ECM2: variants seen among roughly 807,000 people sequenced by gnomAD.
ECM2 encodes extracellular matrix protein 2, female organ and adipocyte specific.
In ECM2, 57 loss-of-function variants were observed where a neutral mutation model predicts 67.5. The ratio of observed to expected loss-of-function variants is 0.84; its 90% CI spans 0.68 to 1.05. ECM2 has a LOEUF of 1.05. Ranked by LOEUF, ECM2 falls within the 50% of genes least tolerant of loss-of-function variation. ECM2 has a pLI of 0.00. For synonymous variants in ECM2, 258 were observed against 294.5 expected, an observed-to-expected ratio of 0.88 and a Z score of 1.27; for missense variants, 741 against 822.8, an observed-to-expected ratio of 0.90 and a Z score of 1.22.
At chr9:92,543,576 G>T in the ECM2 span, among the ~76,000 whole-genome samples, 1 of 146,212 alleles carries the variant, frequency 6.8e-6, no homozygotes, top group Admixed American at 6.8e-5. Context: ...TGTTAAGAAT[G>T]ACATTGAAAA....
At chr9:92,501,130 T>C (rs777770493) in intron 8 of ECM2, 77 bp from the exon 9 acceptor site, 12 of 1,423,168 alleles carry the variant, frequency 8.4e-6, no homozygotes, top group Non-Finnish European at 1.1e-5. Context: ...ATAAGGCCAG[T>C]CTCGATGCTG....
chr9:92,527,528 G>T (rs963393551), intron 1 of ECM2, among the ~76,000 whole-genome samples: 2 of 152,120 alleles, frequency 1.3e-5, no homozygotes, highest in African/African-American at 4.8e-5. Context: ...TATCCTTGTC[G>T]CTAAGTGACA....
At chr9:92,548,250 T>G in the ECM2 span, among the ~76,000 whole-genome samples, 658 of 152,292 alleles carry the variant, frequency 4.3e-3, 4 homozygotes, top group African/African-American at 0.014. Flanking sequence ...TCATGAAAGC[T>G]CTCTTGCTGG....
chr9:92,515,058 T>C lies in ECM2; in HGVS notation c.627A>G (p.Glu209=). The C allele has an allele frequency of 6.2e-7, 1 of 1,614,190 alleles. No homozygotes were observed. The highest frequency in any genetic ancestry group is 1.1e-5 in the South Asian group (1 of 91,078). Residue 209 remains glutamate (E), a synonymous_variant, in exon 4 of 10, where the codon GAA becomes GAG. Transcript: ENST00000344604. ...CTTCATCCTCCTCAGATTGAAGTGC[T>C]TCTTTTCTTACTATTCGGTCCATTC... ...QVGMDRIVRK[E]ALQSEEDEEV...
rs1588179976 is a variant in ECM2 at position 92,496,209 on chromosome 9, A to G, written c.*106T>C. The G allele has an allele frequency of 4.1e-6, 6 of 1,450,798 alleles. No homozygotes were observed. In the African/African-American group the frequency reaches 5.8e-5, roughly 14 times the overall value. 89.9% of individuals were successfully genotyped at this position (1,450,798 alleles called of 1,614,324 possible). On this transcript the variant is annotated 3_prime_UTR_variant, in exon 10 of 10. Transcript: ENST00000344604. ...TAGTGAATCAGGTTGACTAGCATAT[A>G]ATGATACTGAGTATAACAGGAGGAT... is the stretch of plus-strand genomic sequence containing the variant.
chr9:92,551,709 T>C, the ECM2 span, among the ~76,000 whole-genome samples: 3 of 151,818 alleles, frequency 2.0e-5, no homozygotes, highest in Non-Finnish European at 2.9e-5. Flanking sequence ...AAGTCCATTG[T>C]ATCATTCTTA....
intron 8 of ECM2, 128 bp from the exon 9 acceptor site, chr9:92,501,181 C>T: frequency 1.1e-6 from 1 of 906,888 alleles, no homozygotes; most frequent in Non-Finnish European, 1.6e-6. Context: ...GTGATGATTC[C>T]AAATAGGAAC....
chr9:92,539,711 A>T (rs992954199), upstream of ECM2, among the ~76,000 whole-genome samples: 2 of 152,134 alleles, frequency 1.3e-5, no homozygotes, highest in Non-Finnish European at 2.9e-5. Flanking sequence ...CTTGGCCCAT[A>T]GTTCAAATGC....
chr9:92,542,395 G>A, the ECM2 span, among the ~76,000 whole-genome samples: 2 of 151,752 alleles, frequency 1.3e-5, no homozygotes, highest in African/African-American at 4.8e-5. Flanking sequence ...TTAATTTGAT[G>A]TAATCTCATT....
the ECM2 span, among the ~76,000 whole-genome samples, chr9:92,544,433 A>T: frequency 2.0e-5 from 3 of 152,196 alleles, no homozygotes; most frequent in Non-Finnish European, 4.4e-5. Flanking sequence ...CCACGATTGC[A>T]CCACTGCACT....
chr9:92,552,112 A>G, the ECM2 span, among the ~76,000 whole-genome samples: 8 of 144,824 alleles, frequency 5.5e-5, no homozygotes, highest in South Asian at 4.3e-4. Context: ...TATCATATAT[A>G]TGTGATATGA....
chr9:92,515,904 C>T (rs1847674018), intron 3 of ECM2, among the ~76,000 whole-genome samples: 1 of 152,134 alleles, frequency 6.6e-6, no homozygotes, highest in South Asian at 2.1e-4. Flanking sequence ...TTTATCCTTC[C>T]ATGATGGTGG....
At chr9:92,532,922 C>T (rs576350886) in intron 1 of ECM2, among the ~76,000 whole-genome samples, 25 of 151,894 alleles carry the variant, frequency 1.6e-4, no homozygotes, top group Admixed American at 5.9e-4. Context: ...TGAGAATTTG[C>T]GTCTGTTTCA....
At chr9:92,551,372 C>T in the ECM2 span, among the ~76,000 whole-genome samples, 38 of 152,214 alleles carry the variant, frequency 2.5e-4, 1 homozygote, top group East Asian at 3.9e-3. Flanking sequence ...GGGTCTTGCT[C>T]TGTCACCCAA....
At chr9:92,527,286 C>T (rs994343408) in intron 1 of ECM2, among the ~76,000 whole-genome samples, 1 of 152,186 alleles carries the variant, frequency 6.6e-6, no homozygotes, top group Non-Finnish European at 1.5e-5. Flanking sequence ...GCTAGGATTA[C>T]AGGCATGAGC....
rs932508713 is a variant in ECM2 at position 92,495,756 on chromosome 9, A to C, written c.*559T>G. Reference sequence around the variant, plus strand: ...GAAATTAACATTACAGTAGTGTTTTAATTTTACACATGTAATTAATGGAAG... The same window carrying C: ...GAAATTAACATTACAGTAGTGTTTTCATTTTACACATGTAATTAATGGAAG... On this transcript the variant is annotated 3_prime_UTR_variant, in exon 10 of 10. Transcript: ENST00000344604. 3 of 938,514 alleles carry C rather than the reference A, an allele frequency of 3.2e-6. No homozygotes were observed. Among genetic ancestry groups the C allele is most frequent in the Non-Finnish European group, 3.8e-6 (3 of 787,394 alleles). The allele number at this position is 938,514 out of a possible 1,614,324, so 58.1% of individuals were successfully genotyped here.
rs771255534 is a variant in ECM2 at position 92,514,811 on chromosome 9, GGTCCTCCTC to G, written c.865_873del (p.Glu289_Asp291del). The G allele has an allele frequency of 1.2e-6, 2 of 1,613,234 alleles. No homozygotes were observed. Among genetic ancestry groups the G allele is most frequent in the Non-Finnish European group, 1.7e-6 (2 of 1,179,694 alleles). ...ATTCGGAACATATCTCCTCTTACCG[GGTCCTCCTC>G]GTCCTCCTCATCCTCCTCACCCTCC... On this transcript the variant is annotated inframe_deletion, in exon 4 of 10. Coordinates refer to ENST00000344604, the MANE Select transcript of ECM2 (RefSeq NM_001393.4).
Position 92,517,746 on chromosome 9 carries a change from T to C in ECM2, c.422A>G (p.Gln141Arg). The stretch of plus-strand genomic sequence containing the variant: ...AGGTATAACTGTTTGGGGGCACCTC[T>C]GGGGATGGCACATGGTTTCATCACA... ...VLCDETMCHPQRCPQTVIPEG... is the reference protein window; with the variant it reads ...VLCDETMCHPRRCPQTVIPEG... Residue 141 changes from glutamine to arginine, a missense_variant, in exon 3 of 10, where the codon CAG becomes CGG. Coordinates refer to ENST00000344604, the MANE Select transcript of ECM2 (RefSeq NM_001393.4). The C allele has an allele frequency of 1.2e-6, 2 of 1,614,160 alleles. No homozygotes were observed. The highest frequency in any genetic ancestry group is 1.7e-6 in the Non-Finnish European group (2 of 1,180,028).
the ECM2 span, among the ~76,000 whole-genome samples, chr9:92,549,412 C>T: frequency 6.6e-6 from 1 of 152,052 alleles, no homozygotes; most frequent in African/African-American, 2.4e-5. Context: ...TTTGGGAGGC[C>T]GAGACGGGTG....
Sources: gnomAD v4.1 joint callset for allele counts (sites outside exome capture counted in the v4.1 genomes callset) on GRCh38, gnomAD v4.1.1 for gene constraint, MANE v1.5 for transcripts, NCBI Gene and HGNC (gene_info 2026-07-23, HGNC 2026-07-21) for gene names.